IL20: variants seen among roughly 807,000 people sequenced by gnomAD.
IL20 encodes interleukin-20.
In IL20, 22 loss-of-function variants were observed where a neutral mutation model predicts 19.2. The observed-to-expected ratio is 1.15, with a 90% confidence interval of 0.82 to 1.64. The LOEUF is 1.64. Among genes scored for constraint, IL20 ranks in the 40% most tolerant of loss-of-function variants. IL20 has a pLI of 0.00. For synonymous variants in IL20, 70 were observed against 76.2 expected (o/e 0.92, Z 0.43); for missense variants, 215 against 212.8 (o/e 1.01, Z -0.06).
Position 206,866,365 on chromosome 1 carries a change from G to C in IL20, c.225+1G>C, listed in dbSNP as rs138566326. On this transcript the variant is annotated splice_donor_variant, in intron 3 of 5. Transcript: ENST00000367098. LOFTEE classifies it high-confidence loss of function. ...GACTGAGTCTTTGCAAGACACAAAG[G>C]TATGTGCTTGGCCCAGACAAACTCT... is the stretch of plus-strand genomic sequence containing the variant. 2 of 1,613,856 alleles carry C rather than the reference G, an allele frequency of 1.2e-6. No individual in the cohort carries two copies. Among genetic ancestry groups the C allele is most frequent in the African/African-American group, 1.3e-5 (1 of 74,904 alleles).
upstream of IL20, chr1:206,865,531 G>A (rs1572588591): frequency 8.9e-7 from 1 of 1,118,274 alleles, no homozygotes; most frequent in Non-Finnish European, 1.1e-6. The surrounding 1 kb of genome is among the most constrained non-coding windows in gnomAD (Gnocchi z 4.1). Flanking sequence ...TTCACTGCAA[G>A]TGCCTGCTGT....
chr1:206,867,501 G>A (rs1423574141), intron 5 of IL20, 43 bp downstream of exon 5: 4 of 1,488,302 alleles, frequency 2.7e-6, no homozygotes, highest in South Asian at 2.3e-5. Flanking sequence ...TGTGTTTTAA[G>A]AACTGAGATC....
At chr1:206,867,766 A>G (rs1224062457) in intron 5 of IL20, among the ~76,000 whole-genome samples, 2 of 152,132 alleles carry the variant, frequency 1.3e-5, no homozygotes, top group Admixed American at 6.5e-5. Context: ...ACACACTTCT[A>G]TGTACCTTTG....
At position 206,866,312 on chromosome 1, in the gene IL20, GA is replaced by G. The variant is rs761036448; in HGVS notation, c.176del (p.Asn59ThrfsTer7). On this transcript the variant is annotated frameshift_variant, in exon 3 of 6. Transcript: ENST00000367098. LOFTEE classifies it high-confidence loss of function. Reference protein sequence around the residue: ...EIRGSVQAKDGNIDIRILRRT... With the variant: ...EIRGSVQAKDXNIDIRILRRT... Reference sequence around the variant, plus strand: ...TCTTCTGTTTAGCAAGCCAAAGATGGAAACATTGACATCAGAATCTTAAGGA... The same window carrying G: ...TCTTCTGTTTAGCAAGCCAAAGATGGAACATTGACATCAGAATCTTAAGGA... The G allele has an allele frequency of 4.8e-5, 78 of 1,614,004 alleles. No individual in the cohort carries two copies. Among genetic ancestry groups the G allele is most frequent in the Non-Finnish European group, 6.5e-5 (77 of 1,180,004 alleles).
upstream of IL20, among the ~76,000 whole-genome samples, chr1:206,864,200 T>C (rs979823175): frequency 1.3e-5 from 2 of 152,216 alleles, no homozygotes; most frequent in African/African-American, 4.8e-5. Context: ...CCCAGTTCTC[T>C]TGTCTCCAAA....
rs367789849 is a variant in IL20, at chr1:206,866,001, G to C, written c.149G>C (p.Arg50Pro). The C allele has an allele frequency of 6.8e-6, 11 of 1,614,014 alleles. No homozygotes were observed. The highest frequency in any genetic ancestry group is 9.3e-6 in the Non-Finnish European group (11 of 1,179,924). Residue 50 changes from arginine (R) to proline (P), a missense_variant, in exon 2 of 6, where the codon CGG becomes CCG. Physicochemically the swap from Arg to Pro is moderately radical, Grantham distance 103. Coordinates refer to ENST00000367098, the MANE Select transcript of IL20 (RefSeq NM_018724.4). ...QEIRNGFSEIRGSVQAKDGNI... is the reference protein window; with the variant it reads ...QEIRNGFSEIPGSVQAKDGNI... ...ATACGAAATGGATTTTCTGAGATAC[G>C]GGGCAGTGTGGTACGTAAGCGGGTA... is the stretch of plus-strand genomic sequence containing the variant.
In IL20 at chr1:206,865,950, G is replaced by C; in HGVS notation, c.98G>C (p.Cys33Ser). ...TGLKTLNLGSCVIATNLQEIR... is the reference protein window; with the variant it reads ...TGLKTLNLGSSVIATNLQEIR... ...CTGAAGACACTCAATTTGGGAAGCTGTGTGATCGCCACAAACCTTCAGGAA... is the reference window on the plus strand; with the variant it reads ...CTGAAGACACTCAATTTGGGAAGCTCTGTGATCGCCACAAACCTTCAGGAA... Residue 33 changes from cysteine to serine, a missense_variant, in exon 2 of 6, where the codon TGT (cysteine) becomes TCT (serine). Coordinates refer to ENST00000367098, the MANE Select transcript of IL20 (RefSeq NM_018724.4). This position sits in a 1 kb window ranked among gnomAD's most constrained non-coding sequence, Gnocchi z 4.1. The C allele has an allele frequency of 2.5e-6, 4 of 1,614,174 alleles. No individual in the cohort carries two copies. Among genetic ancestry groups the C allele is most frequent in the Non-Finnish European group, 2.5e-6 (3 of 1,180,024 alleles).
rs367993890 is a variant in IL20 at position 206,868,544 on chromosome 1, T to C, written c.511T>C (p.Trp171Arg). 21 of 1,606,426 alleles carry C rather than the reference T, an allele frequency of 1.3e-5. No individual in the cohort carries two copies. The highest frequency in any genetic ancestry group is 1.7e-5 in the Non-Finnish European group (20 of 1,176,586). ...GGGGGAACTAGACATTCTTCTGCAA[T>C]GGATGGAGGAGACAGAATAGGAGGA... ...ALGELDILLQ[W>R]MEETE The change falls in exon 6 of 6, where the codon TGG becomes CGG. Residue 171 changes from tryptophan to arginine, a missense_variant. By Grantham distance (101) the Trp-to-Arg change is moderately radical. Coordinates refer to ENST00000367098, the MANE Select transcript of IL20 (RefSeq NM_018724.4).
At chr1:206,866,782 G>C (rs539132265) in intron 4 of IL20, 146 bp downstream of exon 4, 1 of 842,780 alleles carries the variant, frequency 1.2e-6, no homozygotes, top group African/African-American at 1.7e-5. Context: ...ATGTGACTAG[G>C]TAATAAGAAC....
intron 4 of IL20, among the ~76,000 whole-genome samples, chr1:206,866,995 C>T (rs926348460): frequency 3.3e-5 from 5 of 150,230 alleles, no homozygotes; most frequent in South Asian, 4.2e-4. Flanking sequence ...AGCTTGACCT[C>T]AGAATATAGT....
chr1:206,868,207 G>A (rs902357468), intron 5 of IL20, among the ~76,000 whole-genome samples: 1 of 151,912 alleles, frequency 6.6e-6, no homozygotes, highest in African/African-American at 2.4e-5. Flanking sequence ...AAAGAAAATA[G>A]CTTGATTATT....
chr1:206,866,109 A>G, intron 2 of IL20, 98 bp downstream of exon 2: 1 of 1,299,220 alleles, frequency 7.7e-7, no homozygotes. Flanking sequence ...TCATAAAAAG[A>G]GGCAGGCTGG....
chr1:206,867,487 T>C (rs769906288), intron 5 of IL20, 29 bp downstream of exon 5: 1 of 1,577,518 alleles, frequency 6.3e-7, no homozygotes, highest in Non-Finnish European at 8.7e-7. Flanking sequence ...TTGATTGGGA[T>C]GGGTGTGTTT....
At position 206,867,548 on chromosome 1, in the gene IL20, C is replaced by G. The variant is rs971617860; in HGVS notation, c.453+90C>G. The G allele has an allele frequency of 1.6e-5, 17 of 1,090,772 alleles. No individual in the cohort carries two copies. The South Asian group carries it at 1.6e-4, about 10-fold the overall frequency. 67.6% of individuals were successfully genotyped at this position (1,090,772 alleles called of 1,614,324 possible). A position where few individuals can be genotyped will look rare whatever the true frequency, so the allele number is the denominator to read the frequency against. On this transcript the variant is annotated intron_variant, in intron 5 of 5. Transcript: ENST00000367098. ...GGATGGTTATTCACTGTTAGACATCCTGTAGCCTTCAGGTTCATAGCCCTC... is the reference window on the plus strand; with the variant it reads ...GGATGGTTATTCACTGTTAGACATCGTGTAGCCTTCAGGTTCATAGCCCTC...
At position 206,865,797 on chromosome 1, in the gene IL20, T is replaced by C; in HGVS notation, c.-30-26T>C. ...CTTGGAGGAGGGGAAACTCAGTAAG[T>C]CATGCTCTCTTCTTTGAATTCCTAG... is the stretch of plus-strand genomic sequence containing the variant. On this transcript the variant is annotated intron_variant, in intron 1 of 5. Coordinates refer to ENST00000367098, the MANE Select transcript of IL20 (RefSeq NM_018724.4). The surrounding 1 kb of genome is among the most constrained non-coding windows in gnomAD (Gnocchi z 4.1). 1 of 1,602,652 alleles carries C rather than the reference T, an allele frequency of 6.2e-7. No homozygotes were observed. The highest frequency in any genetic ancestry group is 8.5e-7 in the Non-Finnish European group (1 of 1,173,948).
At chr1:206,866,421 T>C in intron 3 of IL20, 57 bp downstream of exon 3, 1 of 1,612,746 alleles carries the variant, frequency 6.2e-7, no homozygotes, top group Non-Finnish European at 8.5e-7. Context: ...AGCATCTCCA[T>C]CACCCTGGTC....
chr1:206,868,132 G>A (rs1677609579), intron 5 of IL20, among the ~76,000 whole-genome samples: 1 of 151,686 alleles, frequency 6.6e-6, no homozygotes, highest in South Asian at 2.1e-4. Flanking sequence ...ACTGATGTGT[G>A]CACCGTAGGC....
Position 206,866,212 on chromosome 1 carries a change from G to C in IL20, c.160-87G>C. The C allele has an allele frequency of 2.2e-6, 3 of 1,341,048 alleles. No individual in the cohort carries two copies. In the East Asian group the frequency reaches 6.9e-5, roughly 31 times the overall value. 83.1% of individuals were successfully genotyped at this position (1,341,048 alleles called of 1,614,324 possible). A position where few individuals can be genotyped will look rare whatever the true frequency, so the allele number is the denominator to read the frequency against. On this transcript the variant is annotated intron_variant, in intron 2 of 5. Transcript: ENST00000367098. ...AAAGGACACCTCCCACTAGTTCTTG[G>C]CAGGGAGTGGATGAGAAGTCTTGAT...
upstream of IL20, among the ~76,000 whole-genome samples, chr1:206,863,797 C>G (rs1677477954): frequency 2.0e-5 from 3 of 152,222 alleles, no homozygotes; most frequent in African/African-American, 7.2e-5. Context: ...ACATTCAAGA[C>G]AGCGGGTGCT....
Sources: allele counts gnomAD v4.1 joint callset (sites outside exome capture counted in the v4.1 genomes callset), GRCh38; gene constraint gnomAD v4.1.1; non-coding constraint Gnocchi (gnomAD v3.1); transcripts MANE v1.5; gene names NCBI Gene and HGNC (gene_info 2026-07-23, HGNC 2026-07-21).